The following CYRIB variants were observed in gnomAD, a reference collection of about 807,000 sequenced individuals.
The protein encoded by CYRIB is CYFIP-related Rac1 interactor B.
In CYRIB, 8 loss-of-function variants were observed where a neutral mutation model predicts 44.2. The ratio of observed to expected loss-of-function variants is 0.18; its 90% CI spans 0.11 to 0.33. The LOEUF is 0.33. Among genes scored for constraint, CYRIB ranks in the 10% least tolerant of loss-of-function variants. CYRIB has a pLI of 1.00. For synonymous variants in CYRIB, 131 were observed against 127.2 expected (o/e 1.03, Z -0.20); for missense variants, 185 against 382.8 (o/e 0.48, Z 4.31).
rs1464788473 is a variant in CYRIB at position 129,893,677 on chromosome 8, C to T, written c.-11+9635G>A. 5.3e-5 allele frequency among the ~76,000 whole-genome samples: 8 copies of T among 152,262 alleles called. No individual in the cohort carries two copies. In the East Asian group the frequency reaches 1.2e-3, roughly 22 times the overall value. On this transcript the variant is annotated intron_variant, in intron 2 of 11. Coordinates refer to ENST00000519824, the Ensembl canonical transcript of CYRIB. ...AATCAACTTTCCTCCCCTCCTCTCT[C>T]ACTGAAGATAATTAGTATCTTTTTA...
chr8:129,946,420 C>G (rs1195354413), intron 2 of CYRIB, among the ~76,000 whole-genome samples: 2 of 152,190 alleles, frequency 1.3e-5, no homozygotes, highest in Non-Finnish European at 2.9e-5. Flanking sequence ...TAGAAAACAG[C>G]TCCAAACATT....
At chr8:129,910,537 C>T (rs1012926906) in intron 1 of CYRIB, among the ~76,000 whole-genome samples, 1 of 145,952 alleles carries the variant, frequency 6.9e-6, no homozygotes, top group East Asian at 2.0e-4. Context: ...ATGGTTCCTG[C>T]CTATAATTCC....
chr8:129,862,638 A>T (rs1189858752), intron 4 of CYRIB, among the ~76,000 whole-genome samples: 1 of 151,992 alleles, frequency 6.6e-6, no homozygotes, highest in Non-Finnish European at 1.5e-5. Context: ...ACCCAGCTGA[A>T]TTTTTTTATT....
At chr8:129,934,283 G>A (rs1425527590) in intron 1 of CYRIB, among the ~76,000 whole-genome samples, 1 of 152,130 alleles carries the variant, frequency 6.6e-6, no homozygotes, top group Non-Finnish European at 1.5e-5. Flanking sequence ...TTCGAGGTGG[G>A]TCAGCTTACA....
intron 1 of CYRIB, among the ~76,000 whole-genome samples, chr8:129,974,511 T>C (rs2132335772): frequency 6.6e-6 from 1 of 152,202 alleles, no homozygotes; most frequent in South Asian, 2.1e-4. Context: ...TGACCAGGAA[T>C]TGTTTTAGGG....
intron 1 of CYRIB, among the ~76,000 whole-genome samples, chr8:130,012,693 G>A (rs2097254022): frequency 6.6e-6 from 1 of 152,122 alleles, no homozygotes; most frequent in African/African-American, 2.4e-5. Context: ...CTAGTGAGTG[G>A]CAGAGCCAGG....
chr8:129,858,709 A>G (rs1375771513), intron 5 of CYRIB, among the ~76,000 whole-genome samples: 1 of 105,290 alleles, frequency 9.5e-6, no homozygotes, highest in Non-Finnish European at 1.9e-5. Flanking sequence ...CGAAGCTAAC[A>G]TGTTGAAGGG....
chr8:129,988,002 G>A (rs527809050), intron 1 of CYRIB, among the ~76,000 whole-genome samples: 23 of 152,222 alleles, frequency 1.5e-4, no homozygotes, highest in African/African-American at 4.8e-4. Context: ...TTTTTGTATC[G>A]GTTGGAACCC....
At chr8:130,012,768 GA>G (rs948920476) in intron 1 of CYRIB, among the ~76,000 whole-genome samples, 14 of 150,242 alleles carry the variant, frequency 9.3e-5, no homozygotes, top group South Asian at 8.4e-4. Flanking sequence ...AGGAGGAGAG[GA>G]AAAAAAAAAT....
At chr8:129,879,136 C>A (rs114640804) in intron 3 of CYRIB, among the ~76,000 whole-genome samples, 5 of 152,104 alleles carry the variant, frequency 3.3e-5, no homozygotes, top group African/African-American at 1.2e-4. Context: ...GAGAATAGAT[C>A]GTAAATTACA....
chr8:130,014,994 C>T (rs143812022), intron 1 of CYRIB, among the ~76,000 whole-genome samples: 1 of 152,306 alleles, frequency 6.6e-6, no homozygotes, highest in African/African-American at 2.4e-5. Context: ...ATCAAAATGA[C>T]GCCTTCTTTT....
At chr8:129,983,671 G>A (rs924121588) in intron 1 of CYRIB, among the ~76,000 whole-genome samples, 17 of 152,172 alleles carry the variant, frequency 1.1e-4, no homozygotes, top group Admixed American at 3.9e-4. Context: ...GCAGGGACCA[G>A]GCAGCGCTCA....
chr8:129,846,806 G>A, exon 11 of CYRIB: 22 of 1,593,094 alleles, frequency 1.4e-5, no homozygotes, highest in Non-Finnish European at 1.9e-5. Flanking sequence ...ATACACACCT[G>A]AGAGCATTTA....
intron 1 of CYRIB, among the ~76,000 whole-genome samples, chr8:129,991,579 A>G (rs1476500729): frequency 6.6e-6 from 1 of 152,098 alleles, no homozygotes; most frequent in Non-Finnish European, 1.5e-5. Flanking sequence ...AGGACTCTGC[A>G]GAGAGTCCCC....
intron 2 of CYRIB, among the ~76,000 whole-genome samples, chr8:129,945,303 C>T (rs2094056504): frequency 6.6e-6 from 1 of 152,190 alleles, no homozygotes; most frequent in African/African-American, 2.4e-5. Context: ...CCTGTGAATG[C>T]AGAGGGCAAC....
intron 5 of CYRIB, among the ~76,000 whole-genome samples, chr8:129,859,208 G>C (rs1355645735): frequency 6.6e-6 from 1 of 152,226 alleles, no homozygotes; most frequent in East Asian, 1.9e-4. Flanking sequence ...CCAAGGCAGA[G>C]AGAGAGAGGA....
At chr8:129,851,080 G>A (rs1400652437) in intron 8 of CYRIB, 166 bp from the exon 11 acceptor site, 1 of 593,400 alleles carries the variant, frequency 1.7e-6, no homozygotes, top group East Asian at 2.8e-5. Flanking sequence ...TCCAAGCACT[G>A]GGGATACAGC....
intron 10 of CYRIB, among the ~76,000 whole-genome samples, chr8:129,847,590 A>C (rs1353029852): frequency 1.3e-5 from 2 of 152,246 alleles, no homozygotes; most frequent in Non-Finnish European, 2.9e-5. Context: ...ATTTTTCAGC[A>C]CTGCACCTGG....
intron 1 of CYRIB, among the ~76,000 whole-genome samples, chr8:129,913,813 C>T (rs1372299683): frequency 6.6e-6 from 1 of 152,196 alleles, no homozygotes. Context: ...GCATTTAAAA[C>T]TGTCCCTGCC....
Sources: allele counts gnomAD v4.1 joint callset (sites outside exome capture counted in the v4.1 genomes callset), GRCh38; gene constraint gnomAD v4.1.1; transcripts MANE v1.5; gene names NCBI Gene and HGNC (gene_info 2026-07-23, HGNC 2026-07-21).